SLC35F4: variants seen among roughly 807,000 people sequenced by gnomAD.
SLC35F4 encodes the protein solute carrier family 35 member F4.
A neutral mutation model predicts 44.2 loss-of-function variants in SLC35F4; 24 were observed. The ratio of observed to expected loss-of-function variants is 0.54; its 90% CI spans 0.39 to 0.76. The LOEUF (loss-of-function observed/expected upper bound fraction) is 0.76. Among genes scored for constraint, SLC35F4 ranks in the 30% least tolerant of loss-of-function variants. The probability of loss-of-function intolerance (pLI) is 0.00; values close to 1 mark genes in which losing one functional copy is unlikely to be tolerated. For synonymous variants in SLC35F4, 238 were observed against 223.6 expected (o/e 1.06, Z -0.57); for missense variants, 562 against 586.1 (o/e 0.96, Z 0.42).
chr14:57,762,195 C>T (rs17093665), intron 1 of SLC35F4, among the ~76,000 whole-genome samples: 4 of 152,126 alleles, frequency 2.6e-5, no homozygotes, highest in Non-Finnish European at 4.4e-5. Context: ...AAACATGAAA[C>T]GCTGCCTCCC....
intron 1 of SLC35F4, among the ~76,000 whole-genome samples, chr14:57,967,603 G>A (rs76015822): frequency 1.6e-4 from 24 of 152,206 alleles, no homozygotes; most frequent in Admixed American, 7.2e-4. Context: ...TTTAATCCTC[G>A]TAGCAATCCC....
upstream of SLC35F4, among the ~76,000 whole-genome samples, chr14:57,867,611 C>CG (rs373725458): frequency 1.7e-4 from 26 of 151,462 alleles, no homozygotes; most frequent in African/African-American, 5.8e-4. Flanking sequence ...CACCCCCCCC[C>CG]ACGTGAAATA....
At position 57,774,809 on chromosome 14, in the gene SLC35F4, A is replaced by T. The variant is rs117738976; in HGVS notation, c.103+90914T>A. ...CCACTTTGCCTGCAAGCACTTGCCCAGAGCCACATCCTGCATTGCTTTGAA... is the reference window on the plus strand; with the variant it reads ...CCACTTTGCCTGCAAGCACTTGCCCTGAGCCACATCCTGCATTGCTTTGAA... On this transcript the variant is annotated intron_variant, in intron 1 of 7. Coordinates refer to ENST00000556826, the MANE Select transcript of SLC35F4 (RefSeq NM_001306087.2). Among the ~76,000 whole-genome samples, 26 of 152,330 alleles carry T rather than the reference A, an allele frequency of 1.7e-4. 1 individual carries two copies. Among genetic ancestry groups the T allele is most frequent in the Middle Eastern group, 6.8e-3 (2 of 294 alleles).
intron 3 of SLC35F4, among the ~76,000 whole-genome samples, chr14:57,583,962 CTAA>C (rs1179520517): frequency 6.6e-6 from 1 of 152,100 alleles, no homozygotes; most frequent in African/African-American, 2.4e-5. Context: ...TTGGAGGACA[CTAA>C]TAATTTAGTT....
intron 1 of SLC35F4, among the ~76,000 whole-genome samples, chr14:57,624,583 G>T (rs2072374736): frequency 6.6e-6 from 1 of 152,136 alleles, no homozygotes; most frequent in African/African-American, 2.4e-5. Flanking sequence ...AAATCCAGCA[G>T]CACATCAAAA....
intron 2 of SLC35F4, among the ~76,000 whole-genome samples, chr14:57,591,824 C>T (rs1313099832): frequency 6.6e-6 from 1 of 152,202 alleles, no homozygotes; most frequent in African/African-American, 2.4e-5. Context: ...TCATGATTCC[C>T]AGGGACTACC....
At chr14:57,775,677 A>T (rs1369917633) in intron 1 of SLC35F4, among the ~76,000 whole-genome samples, 1 of 152,242 alleles carries the variant, frequency 6.6e-6, no homozygotes, top group Non-Finnish European at 1.5e-5. Context: ...AGATTGAAGG[A>T]ACATCTGCTC....
intron 1 of SLC35F4, among the ~76,000 whole-genome samples, chr14:57,743,924 T>C (rs534658334): frequency 4.9e-4 from 74 of 152,190 alleles, no homozygotes; most frequent in African/African-American, 1.5e-3. Flanking sequence ...GTTCAACAGA[T>C]GCAAATCAAT....
chr14:57,733,565 C>T (rs766914103), intron 1 of SLC35F4, among the ~76,000 whole-genome samples: 1 of 150,872 alleles, frequency 6.6e-6, no homozygotes, highest in Non-Finnish European at 1.5e-5. Context: ...AAAAAAAAGG[C>T]ATCTTATAAT....
intron 1 of SLC35F4, among the ~76,000 whole-genome samples, chr14:57,713,720 T>G (rs750541989): frequency 6.6e-6 from 1 of 152,198 alleles, no homozygotes; most frequent in Non-Finnish European, 1.5e-5. Context: ...GCCTGGTATC[T>G]GACCTAGGGT....
chr14:57,681,416 A>T (rs1017454302), intron 1 of SLC35F4, among the ~76,000 whole-genome samples: 1 of 152,112 alleles, frequency 6.6e-6, no homozygotes, highest in Non-Finnish European at 1.5e-5. Flanking sequence ...ACCCATAAAA[A>T]CCCTAGAAGA....
At chr14:57,746,291 T>C (rs1417141817) in intron 1 of SLC35F4, among the ~76,000 whole-genome samples, 1 of 152,194 alleles carries the variant, frequency 6.6e-6, no homozygotes, top group Non-Finnish European at 1.5e-5. Context: ...AACTGTAGTG[T>C]TAACAGGTTG....
intron 1 of SLC35F4, among the ~76,000 whole-genome samples, chr14:57,946,914 GTTTGTT>G (rs1158262167): frequency 6.6e-6 from 1 of 152,040 alleles, no homozygotes; most frequent in African/African-American, 2.4e-5. Flanking sequence ...CCAGATTTGG[GTTTGTT>G]TTTGTTTTTG....
At chr14:57,649,034 C>T (rs1239273429) in intron 1 of SLC35F4, among the ~76,000 whole-genome samples, 1 of 152,170 alleles carries the variant, frequency 6.6e-6, no homozygotes, top group Non-Finnish European at 1.5e-5. Context: ...ACCTATTTCT[C>T]ATCATCTTTC....
chr14:57,742,231 C>T (rs1229762036), intron 1 of SLC35F4, among the ~76,000 whole-genome samples: 2 of 152,034 alleles, frequency 1.3e-5, no homozygotes, highest in Non-Finnish European at 2.9e-5. Context: ...CAGTATTAAC[C>T]TTAAATGTAA....
At chr14:57,770,985 T>C (rs2077349982) in intron 1 of SLC35F4, among the ~76,000 whole-genome samples, 1 of 152,212 alleles carries the variant, frequency 6.6e-6, no homozygotes, top group Admixed American at 6.5e-5. Context: ...AAAACTTCAC[T>C]GGCCAATTGT....
intron 1 of SLC35F4, among the ~76,000 whole-genome samples, chr14:57,815,764 ACTAG>A (rs1232446095): frequency 6.6e-6 from 1 of 152,150 alleles, no homozygotes; most frequent in Non-Finnish European, 1.5e-5. Context: ...AGGATGCTTG[ACTAG>A]CCGAGAAGAC....
chr14:57,595,391 C>T lies in SLC35F4; in HGVS notation c.104-1267G>A, dbSNP rs549372030. Among the ~76,000 whole-genome samples the T allele has an allele frequency of 4.6e-5, 7 of 152,280 alleles. No homozygotes were observed. In the South Asian group the frequency reaches 1.4e-3, roughly 32 times the overall value. ...ATGATGTTAACTGTGATCACCCAGC[C>T]AAGGTCGTGTTGGCCAGGTTTCTCC... is the stretch of plus-strand genomic sequence containing the variant. On this transcript the variant is annotated intron_variant, in intron 1 of 7. Coordinates refer to ENST00000556826, the MANE Select transcript of SLC35F4 (RefSeq NM_001306087.2).
chr14:57,823,337 A>C (rs1883378695), intron 1 of SLC35F4, among the ~76,000 whole-genome samples: 1 of 152,104 alleles, frequency 6.6e-6, no homozygotes, highest in Non-Finnish European at 1.5e-5. Context: ...TATTGTGATC[A>C]CCTACCCTGT....
Sources: gnomAD v4.1 joint callset for allele counts (sites outside exome capture counted in the v4.1 genomes callset) on GRCh38, gnomAD v4.1.1 for gene constraint, MANE v1.5 for transcripts, NCBI Gene and HGNC (gene_info 2026-07-23, HGNC 2026-07-21) for gene names.